Variants in SHQ1 observed in about 807,000 individuals in gnomAD.
SHQ1 encodes SHQ1, H/ACA ribonucleoprotein assembly factor.
Under a neutral mutation model 53.8 loss-of-function variants are expected in SHQ1, and 49 were observed. That is an observed-to-expected ratio of 0.91 (90% CI 0.72 to 1.16). The LOEUF (loss-of-function observed/expected upper bound fraction) is 1.16. Ranked by LOEUF, SHQ1 falls within the 50% of genes most tolerant of loss-of-function variation. The pLI is 0.00. For missense variants in SHQ1, 738 were observed against 683.1 expected, an observed-to-expected ratio of 1.08 and a Z score of -0.90; for synonymous variants, 243 against 251.0, an observed-to-expected ratio of 0.97 and a Z score of 0.30.
At chr3:72,751,535 T>TATATATATATATATACAC (rs1444853961) in intron 10 of SHQ1, among the ~76,000 whole-genome samples, 1 of 139,972 alleles carries the variant, frequency 7.1e-6, no homozygotes, top group African/African-American at 3.0e-5. Context: ...TATATACATA[T>TATATATATATATATACAC]ACATACACTA....
chr3:72,730,460 G>T, the SHQ1 span, among the ~76,000 whole-genome samples: 1 of 152,106 alleles, frequency 6.6e-6, no homozygotes, highest in African/African-American at 2.4e-5. Flanking sequence ...TATGATATAG[G>T]TACACTGGAT....
At chr3:72,765,436 T>C (rs1349555818) in intron 10 of SHQ1, among the ~76,000 whole-genome samples, 1 of 150,730 alleles carries the variant, frequency 6.6e-6, no homozygotes, top group Non-Finnish European at 1.5e-5. Context: ...TCATTTTTTT[T>C]TTTTTTTAAA....
chr3:72,806,196 C>T (rs913829732), intron 9 of SHQ1, among the ~76,000 whole-genome samples: 1 of 152,178 alleles, frequency 6.6e-6, no homozygotes, highest in Non-Finnish European at 1.5e-5. Flanking sequence ...AAAGAATTCA[C>T]TTTGCCTCAT....
At chr3:72,744,377 GTAAATCCTGTTGTTT>G (rs1229151890), downstream of SHQ1, among the ~76,000 whole-genome samples, 4 of 152,204 alleles carry the variant, frequency 2.6e-5, no homozygotes, top group Non-Finnish European at 4.4e-5. Flanking sequence ...CTTCCCAGAG[GTAAATCCTGTTGTTT>G]TCTTCCCAGT....
At chr3:72,782,078 A>G (rs1706090395) in intron 10 of SHQ1, among the ~76,000 whole-genome samples, 1 of 152,220 alleles carries the variant, frequency 6.6e-6, no homozygotes, top group African/African-American at 2.4e-5. Context: ...AACAGAAAAC[A>G]TGATCCACTT....
chr3:72,767,081 C>T (rs1192527534), intron 10 of SHQ1, among the ~76,000 whole-genome samples: 1 of 152,200 alleles, frequency 6.6e-6, no homozygotes, highest in Non-Finnish European at 1.5e-5. Flanking sequence ...GAGACTTTAG[C>T]GGCATAGGTA....
At chr3:72,797,058 G>C (rs1706647976) in intron 9 of SHQ1, among the ~76,000 whole-genome samples, 1 of 151,588 alleles carries the variant, frequency 6.6e-6, no homozygotes, top group Admixed American at 6.6e-5. Flanking sequence ...AGGAGTTCAA[G>C]ACCAGCCTGG....
intron 10 of SHQ1, among the ~76,000 whole-genome samples, chr3:72,757,315 G>T (rs541994816): frequency 1.3e-4 from 20 of 151,676 alleles, no homozygotes; most frequent in Non-Finnish European, 2.6e-4. Context: ...TAATTTCATA[G>T]CATACAAAAC....
intron 10 of SHQ1, among the ~76,000 whole-genome samples, chr3:72,768,441 G>T (rs1385356484): frequency 1.2e-4 from 18 of 152,170 alleles, no homozygotes; most frequent in African/African-American, 3.9e-4. Flanking sequence ...GCTGCCATCA[G>T]CATCTAGGAA....
chr3:72,763,335 G>A (rs1705650759), intron 10 of SHQ1, among the ~76,000 whole-genome samples: 2 of 152,102 alleles, frequency 1.3e-5, no homozygotes, highest in Admixed American at 6.6e-5. Flanking sequence ...TGTGAAAAAA[G>A]GGCAAATAGT....
At chr3:72,838,519 A>G (rs1708064561) in intron 4 of SHQ1, among the ~76,000 whole-genome samples, 1 of 152,130 alleles carries the variant, frequency 6.6e-6, no homozygotes, top group African/African-American at 2.4e-5. Context: ...TTTTTTTGAG[A>G]TGTAGTCTCA....
downstream of SHQ1, among the ~76,000 whole-genome samples, chr3:72,748,099 G>GA (rs1705288350): frequency 6.6e-6 from 1 of 151,730 alleles, no homozygotes; most frequent in Non-Finnish European, 1.5e-5. Flanking sequence ...CATAAGGCAT[G>GA]GTGGAGCACT....
intron 9 of SHQ1, among the ~76,000 whole-genome samples, chr3:72,805,522 T>TA (rs1706913138): frequency 6.6e-6 from 1 of 152,196 alleles, no homozygotes; most frequent in Non-Finnish European, 1.5e-5. Context: ...TAAATTTATT[T>TA]AAAGAGGCAC....
chr3:72,848,328 C>A lies in SHQ1; in HGVS notation c.13G>T (p.Ala5Ser), dbSNP rs148558652. ...TCCGGATCCTGGCTGAGGTCGAACGCCGGGGTCAGCATCGCCGCACCGGAC... is the reference window on the plus strand; with the variant it reads ...TCCGGATCCTGGCTGAGGTCGAACGACGGGGTCAGCATCGCCGCACCGGAC... MLTP[A>S]FDLSQDPDFL... Residue 5 changes from alanine (A) to serine (S), a missense_variant, in exon 1 of 11, where the codon GCG becomes TCG. Transcript: ENST00000325599. The A allele has an allele frequency of 3.7e-6, 6 of 1,613,936 alleles. No homozygotes were observed. Among genetic ancestry groups the A allele is most frequent in the Non-Finnish European group, 5.1e-6 (6 of 1,179,996 alleles).
chr3:72,744,467 C>T (rs1705221162), downstream of SHQ1, among the ~76,000 whole-genome samples: 1 of 152,210 alleles, frequency 6.6e-6, no homozygotes, highest in African/African-American at 2.4e-5. Context: ...CTTTGGAAAG[C>T]AGTCTTCCTT....
chr3:72,772,928 A>T, intron 10 of SHQ1: 1 of 852,506 alleles, frequency 1.2e-6, no homozygotes, highest in South Asian at 1.4e-5. Flanking sequence ...GAGTTATTTG[A>T]CCAGCATGAA....
chr3:72,813,663 A>G (rs1707203161), intron 8 of SHQ1, among the ~76,000 whole-genome samples: 1 of 148,000 alleles, frequency 6.8e-6, no homozygotes, highest in Non-Finnish European at 1.5e-5. Flanking sequence ...CGGGAAGCTG[A>G]GGCAGGAGAA....
chr3:72,840,700 G>GT (rs1363177371), intron 4 of SHQ1, among the ~76,000 whole-genome samples: 10 of 152,110 alleles, frequency 6.6e-5, no homozygotes, highest in East Asian at 1.9e-4. Flanking sequence ...ACATCATGCC[G>GT]TAAGTACATG....
chr3:72,750,869 TA>T, intron 10 of SHQ1, 33 bp from the exon 11 acceptor site: 1 of 1,467,018 alleles, frequency 6.8e-7, no homozygotes, highest in South Asian at 1.4e-5. Context: ...AGATTAGAAT[TA>T]TTTATTAATT....
Sources: gnomAD v4.1 joint callset for allele counts (sites outside exome capture counted in the v4.1 genomes callset) on GRCh38, gnomAD v4.1.1 for gene constraint, MANE v1.5 for transcripts, NCBI Gene and HGNC (gene_info 2026-07-23, HGNC 2026-07-21) for gene names.